The following RALYL variants were observed in gnomAD, a reference collection of about 807,000 sequenced individuals.
RALYL encodes the protein RNA-binding Raly-like protein.
RALYL carries 29 observed loss-of-function variants against 35.1 expected under a neutral mutation model. The ratio of observed to expected loss-of-function variants is 0.83; its 90% CI spans 0.61 to 1.13. RALYL has a LOEUF of 1.13. RALYL is among the 50% of genes most tolerant of loss of function. The probability of loss-of-function intolerance (pLI) is 0.00; values close to 1 mark genes in which losing one functional copy is unlikely to be tolerated. For synonymous variants in RALYL, 120 were observed against 127.6 expected (o/e 0.94, Z 0.40); for missense variants, 359 against 360.4 (o/e 1.00, Z 0.03).
chr8:84,627,004 G>A (rs1822877278), intron 2 of RALYL, among the ~76,000 whole-genome samples: 1 of 152,042 alleles, frequency 6.6e-6, no homozygotes, highest in Non-Finnish European at 1.5e-5. Context: ...GAAAAAATTA[G>A]TACTATTATC....
At chr8:84,305,490 T>G (rs1186063523) in intron 1 of RALYL, among the ~76,000 whole-genome samples, 1 of 152,242 alleles carries the variant, frequency 6.6e-6, no homozygotes, top group East Asian at 1.9e-4. Context: ...TGTATAGATT[T>G]AATTGTGTAA....
chr8:84,686,230 T>C (rs549449830), intron 2 of RALYL, among the ~76,000 whole-genome samples: 1 of 150,862 alleles, frequency 6.6e-6, no homozygotes. Context: ...ATCACAAAAG[T>C]GGTGAAGTAA....
intron 2 of RALYL, among the ~76,000 whole-genome samples, chr8:84,587,822 T>C (rs1448594002): frequency 6.6e-6 from 1 of 152,176 alleles, no homozygotes; most frequent in Non-Finnish European, 1.5e-5. Context: ...CTACTAAGGA[T>C]GGCTGGACAC....
At chr8:84,424,834 T>C (rs1045911571) in intron 1 of RALYL, among the ~76,000 whole-genome samples, 1 of 151,974 alleles carries the variant, frequency 6.6e-6, no homozygotes, top group Admixed American at 6.5e-5. Context: ...GTGCCCCTGC[T>C]GGGGGGTGCC....
At chr8:84,575,977 AG>A (rs1809319807) in intron 2 of RALYL, among the ~76,000 whole-genome samples, 3 of 151,542 alleles carry the variant, frequency 2.0e-5, no homozygotes, top group Non-Finnish European at 2.9e-5. Flanking sequence ...AAAAAAAAAA[AG>A]GAATGACAAT....
intron 1 of RALYL, among the ~76,000 whole-genome samples, chr8:84,419,432 A>T (rs2045181559): frequency 6.6e-6 from 1 of 151,922 alleles, no homozygotes; most frequent in South Asian, 2.1e-4. Flanking sequence ...TCTTTATCCC[A>T]TTCTGCATCT....
chr8:84,421,952 G>A (rs997535085), intron 1 of RALYL, among the ~76,000 whole-genome samples: 6 of 152,024 alleles, frequency 3.9e-5, no homozygotes, highest in Admixed American at 6.6e-5. Context: ...CGGTTTGCCA[G>A]TATTTTATTG....
chr8:84,305,522 T>A (rs1393059160), intron 1 of RALYL, among the ~76,000 whole-genome samples: 1 of 152,232 alleles, frequency 6.6e-6, no homozygotes, highest in Admixed American at 6.5e-5. Flanking sequence ...AGGGAACAAA[T>A]TGCAAATGAA....
intron 1 of RALYL, among the ~76,000 whole-genome samples, chr8:84,307,640 T>C (rs1220329604): frequency 6.6e-6 from 1 of 152,060 alleles, no homozygotes; most frequent in Non-Finnish European, 1.5e-5. Context: ...ATATTTTTGG[T>C]GACAAGAAGT....
intron 2 of RALYL, among the ~76,000 whole-genome samples, chr8:84,773,971 C>T (rs1022247713): frequency 3.9e-5 from 6 of 152,186 alleles, no homozygotes; most frequent in African/African-American, 1.4e-4. Context: ...ATAATCCCAA[C>T]ACTTCGGGAG....
intron 1 of RALYL, among the ~76,000 whole-genome samples, chr8:84,342,582 A>G (rs545659605): frequency 2.0e-5 from 3 of 151,958 alleles, no homozygotes; most frequent in South Asian, 2.1e-4. Flanking sequence ...AAGCATTTCT[A>G]TAATTGCATA....
chr8:84,830,598 C>A (rs1295071845), intron 4 of RALYL, among the ~76,000 whole-genome samples: 2 of 152,062 alleles, frequency 1.3e-5, no homozygotes, highest in African/African-American at 2.4e-5. Context: ...ATAATCATTG[C>A]ACAGTATGTT....
chr8:84,325,515 C>T (rs1845641104), intron 1 of RALYL, among the ~76,000 whole-genome samples: 1 of 152,162 alleles, frequency 6.6e-6, no homozygotes, highest in Non-Finnish European at 1.5e-5. Flanking sequence ...CAGAAATTCT[C>T]CACCTCTGAT....
intron 2 of RALYL, among the ~76,000 whole-genome samples, chr8:84,747,795 TAGAC>T (rs1429415491): frequency 6.6e-6 from 1 of 151,974 alleles, no homozygotes; most frequent in Admixed American, 6.6e-5. Flanking sequence ...GTTACTATTT[TAGAC>T]AGAATCTAAA....
intron 1 of RALYL, among the ~76,000 whole-genome samples, chr8:84,222,269 C>A (rs923476241): frequency 6.6e-6 from 1 of 152,068 alleles, no homozygotes; most frequent in Non-Finnish European, 1.5e-5. Context: ...TCCATATAAA[C>A]CAATTTATTG....
At chr8:84,669,498 C>CTCCT (rs1832803015) in intron 2 of RALYL, among the ~76,000 whole-genome samples, 1 of 102,350 alleles carries the variant, frequency 9.8e-6, no homozygotes. Flanking sequence ...CCCCCCCCCC[C>CTCCT]CACTCTATTA....
At chr8:84,783,512 A>C (rs767334399) in intron 3 of RALYL, among the ~76,000 whole-genome samples, 3 of 152,186 alleles carry the variant, frequency 2.0e-5, no homozygotes, top group Non-Finnish European at 4.4e-5. Flanking sequence ...CTTCATTCTA[A>C]CTGTTTCTGG....
intron 5 of RALYL, among the ~76,000 whole-genome samples, chr8:84,861,585 C>T (rs1346975512): frequency 6.6e-6 from 1 of 152,074 alleles, no homozygotes; most frequent in African/African-American, 2.4e-5. Context: ...TCTCAATTTG[C>T]AAATCTAACA....
chr8:84,250,002 G>A (rs1178002200), intron 1 of RALYL, among the ~76,000 whole-genome samples: 1 of 151,814 alleles, frequency 6.6e-6, no homozygotes, highest in Non-Finnish European at 1.5e-5. Context: ...AAAAATATTG[G>A]TATGGGATTT....
Sources: allele counts gnomAD v4.1 joint callset (sites outside exome capture counted in the v4.1 genomes callset), GRCh38; gene constraint gnomAD v4.1.1; transcripts MANE v1.5; gene names NCBI Gene and HGNC (gene_info 2026-07-23, HGNC 2026-07-21).